Variants in C6orf52 observed in about 807,000 individuals in gnomAD.
C6orf52 encodes chromosome 6 open reading frame 52, also known as putative uncharacterized protein C6orf52.
A neutral mutation model predicts 16.6 loss-of-function variants in C6orf52; 16 were observed. That is an observed-to-expected ratio of 0.96 (90% CI 0.65 to 1.46). The LOEUF is 1.46. C6orf52 is among the 40% of genes most tolerant of loss of function. C6orf52 has a pLI of 0.00. For missense variants in C6orf52, 166 were observed against 182.3 expected (o/e 0.91, Z 0.52); for synonymous variants, 53 against 61.4 (o/e 0.86, Z 0.64).
chr6:10,671,575 C>T lies in C6orf52; in HGVS notation c.340G>A (p.Glu114Lys). ...ACCATAAACTCTTGGTTTGATTCCT[C>T]AATATTCAAATGAAGATGTGGATCT... ...LEDPHLHLNI[E>K]ESNQEFMVKS... Residue 114 changes from glutamate to lysine, a missense_variant, in exon 5 of 5, where the codon GAG becomes AAG. Coordinates refer to ENST00000259983, the MANE Select transcript of C6orf52 (RefSeq NM_001145020.3). The T allele has an allele frequency of 6.5e-7, 1 of 1,544,002 alleles. No homozygotes were observed. Among genetic ancestry groups the T allele is most frequent in the East Asian group, 2.5e-5 (1 of 40,740 alleles).
intron 3 of C6orf52, among the ~76,000 whole-genome samples, chr6:10,685,828 C>T (rs4712827): frequency 0.56 from 85,226 of 151,956 alleles, 24,162 homozygotes; most frequent in East Asian, 0.8. Context: ...AGCAAGAACA[C>T]CCACCACAAT....
chr6:10,694,228 C>G (rs1263526620), intron 1 of C6orf52, among the ~76,000 whole-genome samples: 1 of 145,826 alleles, frequency 6.9e-6, no homozygotes, highest in Non-Finnish European at 1.5e-5. Context: ...CCACCGGACT[C>G]CAGCCTGGGC....
Position 10,679,498 on chromosome 6 carries a change from C to T in C6orf52, c.316+3689G>A, listed in dbSNP as rs139344390. On this transcript the variant is annotated intron_variant, in intron 4 of 4. Coordinates refer to ENST00000259983, the MANE Select transcript of C6orf52 (RefSeq NM_001145020.3). ...TTGCTAAACAGTGCTAACAAGTAAG[C>T]ACATACCGTTTGCGAAAATGGCACA... Among the ~76,000 whole-genome samples the T allele has an allele frequency of 6.3e-3, 936 of 148,066 alleles. 10 individuals carry two copies. Among genetic ancestry groups the T allele is most frequent in the African/African-American group, 0.022 (859 of 39,360 alleles).
chr6:10,691,088 T>C (rs913499580), intron 1 of C6orf52, among the ~76,000 whole-genome samples: 5 of 152,222 alleles, frequency 3.3e-5, no homozygotes, highest in Admixed American at 6.5e-5. Context: ...TAGCTGTGTG[T>C]TCTTGAAAAA....
At chr6:10,684,944 A>G in intron 3 of C6orf52, 2 of 1,228,648 alleles carry the variant, frequency 1.6e-6, no homozygotes, top group Non-Finnish European at 2.1e-6. Context: ...AAAAGATAAC[A>G]TATTTATATA....
intron 4 of C6orf52, among the ~76,000 whole-genome samples, chr6:10,672,081 T>C (rs1767470954): frequency 6.6e-6 from 1 of 152,236 alleles, no homozygotes; most frequent in Non-Finnish European, 1.5e-5. Context: ...ACAGGAGGAC[T>C]TGGCCTTCCA....
chr6:10,672,774 C>T (rs141204975), intron 4 of C6orf52: 249 of 524,822 alleles, frequency 4.7e-4, no homozygotes, highest in African/African-American at 3.3e-3. Context: ...AGAGAGCCCT[C>T]GCCAGAAACC....
In C6orf52 at chr6:10,680,298, T is replaced by C. The variant is rs185123973; in HGVS notation, c.316+2889A>G. Among the ~76,000 whole-genome samples, 5 of 151,728 alleles carry C rather than the reference T, an allele frequency of 3.3e-5. No individual in the cohort carries two copies. In the East Asian group the frequency reaches 9.6e-4, roughly 29 times the overall value. On this transcript the variant is annotated intron_variant, in intron 4 of 4. Transcript: ENST00000259983. ...TGTTTTTTGTCCTTCATTCTGTTGA[T>C]GGGATAATGGGATGTATCATGTTTA...
In C6orf52 at chr6:10,674,266, T is replaced by C. The variant is rs1276388905; in HGVS notation, c.317-2668A>G. 2.0e-5 allele frequency among the ~76,000 whole-genome samples: 3 copies of C among 152,088 alleles called. No homozygotes were observed. In the South Asian group the frequency reaches 6.2e-4, roughly 32 times the overall value. Reference sequence around the variant, plus strand: ...CCTAAAGACCCATCTCCTAAAACTATCACATTGGGAGTGAGGGTTTCAACA... The same window carrying C: ...CCTAAAGACCCATCTCCTAAAACTACCACATTGGGAGTGAGGGTTTCAACA... On this transcript the variant is annotated intron_variant, in intron 4 of 4. Transcript: ENST00000259983.
intron 4 of C6orf52, among the ~76,000 whole-genome samples, chr6:10,680,506 ATATCAGAGT>A (rs1318326239): frequency 6.6e-6 from 1 of 152,128 alleles, no homozygotes; most frequent in African/African-American, 2.4e-5. Context: ...TCTGGTTGTG[ATATCAGAGT>A]AATGCTGGCT....
At chr6:10,675,255 A>G (rs1406041271) in intron 4 of C6orf52, among the ~76,000 whole-genome samples, 1 of 152,170 alleles carries the variant, frequency 6.6e-6, no homozygotes, top group Admixed American at 6.5e-5. Context: ...AAGCTTTTTA[A>G]GATTCCACAT....
intron 1 of C6orf52, among the ~76,000 whole-genome samples, chr6:10,688,803 T>C (rs974313305): frequency 6.6e-6 from 1 of 152,192 alleles, no homozygotes; most frequent in African/African-American, 2.4e-5. Flanking sequence ...TTTGGAGTTT[T>C]GGGGTTTTTT....
intron 1 of C6orf52, among the ~76,000 whole-genome samples, chr6:10,690,197 A>AAAG (rs1177204066): frequency 2.0e-5 from 3 of 152,166 alleles, no homozygotes; most frequent in African/African-American, 7.2e-5. Context: ...ATCCCAGGGT[A>AAAG]AAGATGGGCA....
At chr6:10,685,481 T>A (rs1214215518) in intron 3 of C6orf52, among the ~76,000 whole-genome samples, 1 of 151,978 alleles carries the variant, frequency 6.6e-6, no homozygotes, top group African/African-American at 2.4e-5. Flanking sequence ...ATAAAGCAAA[T>A]GTAAGTTTTA....
intron 3 of C6orf52, among the ~76,000 whole-genome samples, chr6:10,686,041 G>T (rs948011231): frequency 6.6e-6 from 1 of 152,096 alleles, no homozygotes; most frequent in Non-Finnish European, 1.5e-5. Flanking sequence ...GCTAAAAATC[G>T]CAATGTATCT....
intron 1 of C6orf52, among the ~76,000 whole-genome samples, chr6:10,691,763 A>G (rs1343316806): frequency 6.6e-6 from 1 of 152,156 alleles, no homozygotes; most frequent in Non-Finnish European, 1.5e-5. Context: ...CCAGATTAGT[A>G]ACACCTGGAC....
chr6:10,689,383 GTT>G (rs1769107392), intron 1 of C6orf52, among the ~76,000 whole-genome samples: 2 of 152,226 alleles, frequency 1.3e-5, no homozygotes, highest in Admixed American at 1.3e-4. Flanking sequence ...ATGTACTGGA[GTT>G]TATAGAGAGT....
Position 10,692,823 on chromosome 6 carries a change from C to G in C6orf52, c.-12+1671G>C, listed in dbSNP as rs568638128. Reference sequence around the variant, plus strand: ...ACAGGAGTGAGCCACCGTGCCCAGCCAAGAAAGATTTTGGAAGAGTGAATG... The same window carrying G: ...ACAGGAGTGAGCCACCGTGCCCAGCGAAGAAAGATTTTGGAAGAGTGAATG... On this transcript the variant is annotated intron_variant, in intron 1 of 4. Coordinates refer to ENST00000259983, the MANE Select transcript of C6orf52 (RefSeq NM_001145020.3). Among the ~76,000 whole-genome samples, 51 of 152,194 alleles carry G rather than the reference C, an allele frequency of 3.4e-4. 1 individual carries two copies. Among genetic ancestry groups the G allele is most frequent in the Admixed American group, 3.1e-3 (48 of 15,292 alleles).
Position 10,694,603 on chromosome 6 carries a change from ACC to A in C6orf52, c.-123_-122del. The A allele has an allele frequency of 1.7e-5, 3 of 179,126 alleles. No individual in the cohort carries two copies. The highest frequency in any genetic ancestry group is 2.0e-4 in the South Asian group (2 of 10,022). The allele number at this position is 179,126 out of a possible 1,614,324, so 11.1% of individuals were successfully genotyped here. Reference sequence around the variant, plus strand: ...CTGCCGGCGCTACAGCCCCTAAGCAACCGGCCGGAAGTCGGCCCCACCTCCTC... The same window carrying A: ...CTGCCGGCGCTACAGCCCCTAAGCAAGGCCGGAAGTCGGCCCCACCTCCTC... On this transcript the variant is annotated 5_prime_UTR_variant, in exon 1 of 5. Coordinates refer to ENST00000259983, the MANE Select transcript of C6orf52 (RefSeq NM_001145020.3).
Sources: gnomAD v4.1 joint callset for allele counts (sites outside exome capture counted in the v4.1 genomes callset) on GRCh38, gnomAD v4.1.1 for gene constraint, MANE v1.5 for transcripts, NCBI Gene and HGNC (gene_info 2026-07-23, HGNC 2026-07-21) for gene names.